The following IL1RAPL2 variants were observed in gnomAD, a reference collection of about 807,000 sequenced individuals.
IL1RAPL2 encodes the protein interleukin 1 receptor accessory protein like 2, also known as X-linked interleukin-1 receptor accessory protein-like 2.
A neutral mutation model predicts 44.1 loss-of-function variants in IL1RAPL2; 3 were observed. The observed-to-expected ratio is 0.07, with a 90% confidence interval of 0.03 to 0.18. The LOEUF (loss-of-function observed/expected upper bound fraction) is 0.18. IL1RAPL2 is among the 10% of genes least tolerant of loss of function. The probability of loss-of-function intolerance (pLI) is 1.00; values close to 1 mark genes in which losing one functional copy is unlikely to be tolerated. For missense variants in IL1RAPL2, 391 were observed against 496.4 expected (o/e 0.79, Z 2.02); for synonymous variants, 181 against 178.8 (o/e 1.01, Z -0.10).
intron 2 of IL1RAPL2, among the ~76,000 whole-genome samples, chrX:104,806,871 G>C (rs1037945188): frequency 8.9e-6 from 1 of 111,921 alleles, no homozygotes; most frequent in Non-Finnish European, 1.9e-5. Context: ...GATAATCCAC[G>C]TAAAGGGGTT....
intron 2 of IL1RAPL2, among the ~76,000 whole-genome samples, chrX:104,677,867 C>CG (rs1930811003): frequency 1.8e-5 from 2 of 111,979 alleles, no homozygotes; most frequent in African/African-American, 3.2e-5. Context: ...TTCCAGGTGC[C>CG]CTCCGTCACC....
intron 2 of IL1RAPL2, among the ~76,000 whole-genome samples, chrX:105,137,841 G>A (rs1392970458): frequency 8.9e-6 from 1 of 112,011 alleles, no homozygotes; most frequent in Non-Finnish European, 1.9e-5. Context: ...CAACATGGGA[G>A]GATTGCTTGA....
At chrX:105,072,716 T>C (rs770472880) in intron 2 of IL1RAPL2, among the ~76,000 whole-genome samples, 1 of 111,033 alleles carries the variant, frequency 9.0e-6, no homozygotes, top group African/African-American at 3.3e-5. Flanking sequence ...GGTATACACG[T>C]GGCATGGTGC....
intron 1 of IL1RAPL2, among the ~76,000 whole-genome samples, chrX:104,582,869 T>TTTCTTTCTTTCTTTCA (rs34608679): frequency 1.1e-5 from 1 of 88,533 alleles, no homozygotes; most frequent in Non-Finnish European, 2.2e-5. Flanking sequence ...TCTTTCTTTC[T>TTTCTTTCTTTCTTTCA]TTTTCTTTTC....
chrX:105,106,826 G>A (rs1380809923), intron 2 of IL1RAPL2, among the ~76,000 whole-genome samples: 2 of 111,572 alleles, frequency 1.8e-5, no homozygotes, highest in African/African-American at 6.5e-5. Context: ...ATTACATGGG[G>A]GAAAGATCAT....
chrX:105,023,379 C>T (rs1173842352), intron 2 of IL1RAPL2, among the ~76,000 whole-genome samples: 1 of 111,314 alleles, frequency 9.0e-6, no homozygotes, highest in Non-Finnish European at 1.9e-5. Context: ...CATCGTGCTC[C>T]AGCCTCTTGT....
chrX:104,953,600 C>A (rs1189147884), intron 2 of IL1RAPL2, among the ~76,000 whole-genome samples: 1 of 111,470 alleles, frequency 9.0e-6, no homozygotes, highest in East Asian at 2.8e-4. Context: ...CTTATAATTC[C>A]CTGAAGCCAA....
chrX:104,848,504 C>T (rs1922129351), intron 2 of IL1RAPL2, among the ~76,000 whole-genome samples: 1 of 94,648 alleles, frequency 1.1e-5, no homozygotes. Context: ...TTGTTCTAAA[C>T]CTATATTTAA....
chrX:104,882,187 C>T (rs1370058691), intron 2 of IL1RAPL2, among the ~76,000 whole-genome samples: 1 of 111,678 alleles, frequency 9.0e-6, no homozygotes, highest in East Asian at 2.8e-4. Flanking sequence ...GCTGAAAAAA[C>T]ACGGAAGAAT....
At chrX:105,434,231 G>T (rs758044598) in intron 5 of IL1RAPL2, among the ~76,000 whole-genome samples, 1 of 112,020 alleles carries the variant, frequency 8.9e-6, no homozygotes, top group East Asian at 2.8e-4. Flanking sequence ...AATACCAAGT[G>T]CTGACAAGGA....
chrX:105,675,638 CT>C (rs766166851), intron 6 of IL1RAPL2, among the ~76,000 whole-genome samples: 437 of 111,528 alleles, frequency 3.9e-3, no homozygotes, highest in Middle Eastern at 0.028. Flanking sequence ...TGTTGTATCT[CT>C]CCCAGGTTTT....
intron 6 of IL1RAPL2, among the ~76,000 whole-genome samples, chrX:105,643,879 C>CTTTT (rs1015470435): frequency 3.0e-4 from 33 of 110,684 alleles, no homozygotes; most frequent in African/African-American, 1.1e-3. Flanking sequence ...TTAAAGCAAG[C>CTTTT]TTTTTTTTCT....
intron 2 of IL1RAPL2, among the ~76,000 whole-genome samples, chrX:105,031,773 A>C (rs2031502793): frequency 9.0e-6 from 1 of 111,031 alleles, no homozygotes; most frequent in South Asian, 3.7e-4. Context: ...TGAGTAAGGG[A>C]GGATTCCCTC....
intron 2 of IL1RAPL2, among the ~76,000 whole-genome samples, chrX:105,065,945 G>A (rs1163240161): frequency 9.0e-6 from 1 of 110,959 alleles, no homozygotes; most frequent in Non-Finnish European, 1.9e-5. Flanking sequence ...TCTGGAGGGG[G>A]ATTCTTGAAG....
intron 2 of IL1RAPL2, among the ~76,000 whole-genome samples, chrX:104,867,997 T>A (rs1329767031): frequency 9.0e-6 from 1 of 111,580 alleles, no homozygotes; most frequent in East Asian, 2.8e-4. Flanking sequence ...ATCAAGGGAT[T>A]CAGTCTTTAT....
intron 2 of IL1RAPL2, among the ~76,000 whole-genome samples, chrX:104,868,357 T>G (rs1922673965): frequency 1.8e-5 from 2 of 112,198 alleles, no homozygotes; most frequent in Admixed American, 9.4e-5. Context: ...ATATTAACTC[T>G]TCTGATGGGA....
intron 6 of IL1RAPL2, among the ~76,000 whole-genome samples, chrX:105,607,638 A>AC (rs1569458259): frequency 1.0e-5 from 1 of 98,021 alleles, no homozygotes; most frequent in Non-Finnish European, 2.1e-5. Context: ...CAGCAGACAA[A>AC]AAAAAAAAAA....
chrX:105,465,420 G>A (rs1418296582), intron 5 of IL1RAPL2, among the ~76,000 whole-genome samples: 1 of 112,057 alleles, frequency 8.9e-6, no homozygotes. Flanking sequence ...ATAGAAATGT[G>A]TAATTTTAGA....
chrX:105,043,582 A>C (rs908669771), intron 2 of IL1RAPL2, among the ~76,000 whole-genome samples: 3 of 108,280 alleles, frequency 2.8e-5, no homozygotes, highest in Non-Finnish European at 5.7e-5. Context: ...AAAAAAAAAA[A>C]CATGTTTTGC....
Sources: gnomAD v4.1 joint callset for allele counts (sites outside exome capture counted in the v4.1 genomes callset) on GRCh38, gnomAD v4.1.1 for gene constraint, MANE v1.5 for transcripts, NCBI Gene and HGNC (gene_info 2026-07-23, HGNC 2026-07-21) for gene names.